Variants in SND1 observed in about 807,000 individuals in gnomAD.
The protein encoded by SND1 is staphylococcal nuclease and tudor domain containing 1, also known as staphylococcal nuclease domain-containing protein 1.
SND1 carries 38 observed loss-of-function variants against 121.7 expected under a neutral mutation model. The observed-to-expected ratio is 0.31, with a 90% CI of 0.24 to 0.41. The LOEUF (loss-of-function observed/expected upper bound fraction) is 0.41, where lower values mean the gene tolerates loss of function less well. SND1 is among the 10% of genes least tolerant of loss of function. The pLI is 1.00. For missense variants in SND1, 868 were observed against 1,184.6 expected, an observed-to-expected ratio of 0.73 and a Z score of 3.92; for synonymous variants, 401 against 447.4, an observed-to-expected ratio of 0.90 and a Z score of 1.31.
intron 13 of SND1, among the ~76,000 whole-genome samples, chr7:127,889,221 G>A (rs1042328325): frequency 2.6e-5 from 4 of 151,990 alleles, no homozygotes; most frequent in Admixed American, 2.0e-4. Context: ...TACGTAGTTC[G>A]TGATTGGTGT....
intron 16 of SND1, among the ~76,000 whole-genome samples, chr7:128,001,431 G>A (rs1433762649): frequency 1.3e-5 from 2 of 152,212 alleles, no homozygotes; most frequent in African/African-American, 2.4e-5. Flanking sequence ...GGCAATCTCA[G>A]TGCCTATTAG....
rs1025429802 is a variant in SND1, at chr7:127,776,249, G to T, written c.1153-31235G>T. On this transcript the variant is annotated intron_variant, in intron 10 of 23. Transcript: ENST00000354725. Reference sequence around the variant, plus strand: ...ACCAATCACAACAATATCAAGAGTAGGTTTCTAAAAAGAATGTTGATTGTT... The same window carrying T: ...ACCAATCACAACAATATCAAGAGTATGTTTCTAAAAAGAATGTTGATTGTT... 1.7e-4 allele frequency among the ~76,000 whole-genome samples: 26 copies of T among 152,080 alleles called. 1 individual carries two copies. Among genetic ancestry groups the T allele is most frequent in the Non-Finnish European group, 2.9e-5 (2 of 67,994 alleles).
At chr7:128,033,326 G>T (rs1381839791) in intron 16 of SND1, among the ~76,000 whole-genome samples, 1 of 152,162 alleles carries the variant, frequency 6.6e-6, no homozygotes, top group African/African-American at 2.4e-5. Flanking sequence ...AGGCAATCTA[G>T]CTGAGCCCTG....
chr7:128,005,613 A>G (rs1476566838), intron 16 of SND1, among the ~76,000 whole-genome samples: 1 of 152,178 alleles, frequency 6.6e-6, no homozygotes, highest in Admixed American at 6.5e-5. Flanking sequence ...ACCTCTCCCA[A>G]TGCCTGTTAG....
At chr7:127,819,569 A>G (rs1474589070) in intron 11 of SND1, among the ~76,000 whole-genome samples, 1 of 152,168 alleles carries the variant, frequency 6.6e-6, no homozygotes, top group Non-Finnish European at 1.5e-5. Context: ...ACCTTGTAGG[A>G]TGGGCTGGAG....
chr7:127,790,614 G>T (rs1003040334), intron 10 of SND1, among the ~76,000 whole-genome samples: 1 of 152,126 alleles, frequency 6.6e-6, no homozygotes, highest in African/African-American at 2.4e-5. Context: ...GAATTGCTTT[G>T]AGGGTTAAAT....
chr7:127,825,957 C>CT, intron 11 of SND1, among the ~76,000 whole-genome samples: 1 of 152,112 alleles, frequency 6.6e-6, no homozygotes, highest in East Asian at 1.9e-4. Context: ...TTTGGGAAGC[C>CT]GAGGCGGTGG....
intron 15 of SND1, among the ~76,000 whole-genome samples, chr7:127,946,587 T>C (rs923644275): frequency 1.3e-5 from 2 of 152,256 alleles, no homozygotes; most frequent in South Asian, 4.1e-4. Context: ...AGTTTTGAGA[T>C]AGAGTACATG....
chr7:127,878,432 A>C (rs1157163950), intron 12 of SND1, among the ~76,000 whole-genome samples: 1 of 152,172 alleles, frequency 6.6e-6, no homozygotes, highest in Non-Finnish European at 1.5e-5. Context: ...GTTGCCATAT[A>C]ACCACAGCTG....
chr7:127,693,164 G>A (rs1482397867), intron 2 of SND1, among the ~76,000 whole-genome samples: 2 of 152,262 alleles, frequency 1.3e-5, no homozygotes, highest in East Asian at 1.9e-4. Context: ...AATTTGGGAC[G>A]CTTTGTTCAT....
intron 1 of SND1, among the ~76,000 whole-genome samples, chr7:127,671,025 A>G (rs1562972978): frequency 6.6e-6 from 1 of 152,244 alleles, no homozygotes; most frequent in South Asian, 2.1e-4. Flanking sequence ...TCACACAGAA[A>G]GATGTATGGT....
chr7:127,773,725 C>T (rs543664047), intron 10 of SND1, among the ~76,000 whole-genome samples: 5 of 152,192 alleles, frequency 3.3e-5, no homozygotes, highest in East Asian at 3.9e-4. Context: ...ATTGTGCCCT[C>T]GCAGAAGAGA....
intron 14 of SND1, among the ~76,000 whole-genome samples, chr7:127,917,817 A>G (rs1800616808): frequency 1.3e-5 from 2 of 152,238 alleles, no homozygotes; most frequent in South Asian, 4.1e-4. Context: ...ATGGAATCAC[A>G]GAGCAAATTT....
At chr7:128,088,091 G>T (rs1293529304) in intron 21 of SND1, among the ~76,000 whole-genome samples, 1 of 152,168 alleles carries the variant, frequency 6.6e-6, no homozygotes, top group Admixed American at 6.5e-5. Flanking sequence ...CAAAGTTGCT[G>T]AAGGTCAGGA....
At chr7:127,903,529 C>CT (rs1800275551) in intron 13 of SND1, among the ~76,000 whole-genome samples, 1 of 152,062 alleles carries the variant, frequency 6.6e-6, no homozygotes, top group African/African-American at 2.4e-5. Flanking sequence ...TGTTTCTGAA[C>CT]CAGAAGCATT....
intron 10 of SND1, among the ~76,000 whole-genome samples, chr7:127,722,413 G>A (rs1796512463): frequency 6.6e-6 from 1 of 151,470 alleles, no homozygotes; most frequent in African/African-American, 2.4e-5. Flanking sequence ...CAAACTCCTG[G>A]GCTCAAACAG....
At chr7:128,054,268 A>G (rs1416632078) in intron 16 of SND1, among the ~76,000 whole-genome samples, 1 of 152,220 alleles carries the variant, frequency 6.6e-6, no homozygotes, top group Non-Finnish European at 1.5e-5. Context: ...TCACCTCCTA[A>G]GGCAAACCAG....
intron 10 of SND1, among the ~76,000 whole-genome samples, chr7:127,761,285 A>G (rs972726100): frequency 6.6e-6 from 1 of 152,206 alleles, no homozygotes; most frequent in Admixed American, 6.5e-5. Context: ...TCAAATATCT[A>G]TATGTAAATT....
intron 10 of SND1, among the ~76,000 whole-genome samples, chr7:127,754,500 C>T (rs1485670628): frequency 6.6e-6 from 1 of 152,208 alleles, no homozygotes; most frequent in Non-Finnish European, 1.5e-5. Context: ...TTTTCCTTCA[C>T]TTTGGGATCC....
Sources: gnomAD v4.1 joint callset for allele counts (sites outside exome capture counted in the v4.1 genomes callset) on GRCh38, gnomAD v4.1.1 for gene constraint, MANE v1.5 for transcripts, NCBI Gene and HGNC (gene_info 2026-07-23, HGNC 2026-07-21) for gene names.